MTMR12: variants seen among roughly 807,000 people sequenced by gnomAD.
MTMR12 encodes myotubularin related protein 12, also known as myotubularin-related protein 12.
In MTMR12, 33 loss-of-function variants were observed where a neutral mutation model predicts 96.7. That is an observed-to-expected ratio of 0.34 (90% confidence interval 0.26 to 0.46). MTMR12 has a LOEUF of 0.46. MTMR12 is among the 20% of genes least tolerant of loss of function. MTMR12 has a pLI of 1.00. For missense variants in MTMR12, 721 were observed against 896.1 expected (o/e 0.80, Z 2.49); for synonymous variants, 298 against 327.2 (o/e 0.91, Z 0.96).
chr5:32,279,459 T>C (rs1750197113), intron 1 of MTMR12, among the ~76,000 whole-genome samples: 1 of 151,578 alleles, frequency 6.6e-6, no homozygotes, highest in Non-Finnish European at 1.5e-5. Flanking sequence ...CAAGCTCCAT[T>C]GAACTCAGAG....
At chr5:32,282,638 C>T (rs977741120) in intron 1 of MTMR12, among the ~76,000 whole-genome samples, 1 of 151,828 alleles carries the variant, frequency 6.6e-6, no homozygotes, top group African/African-American at 2.4e-5. Context: ...CAAACCAGTC[C>T]CAAGAAGAGA....
intron 1 of MTMR12, among the ~76,000 whole-genome samples, chr5:32,306,852 G>A (rs751746666): frequency 2.1e-4 from 32 of 152,078 alleles, no homozygotes; most frequent in Non-Finnish European, 3.7e-4. Flanking sequence ...ATAAGTGCCC[G>A]TTAACTATTA....
At position 32,263,179 on chromosome 5, in the gene MTMR12, T is replaced by G; in HGVS notation, c.647A>C (p.Glu216Ala). Reference sequence around the variant, plus strand: ...GTACTTCATGTTGCCTTTGGTCCGTTCCAGTTCCCAACACCAGTCCTTAAG... The same window carrying G: ...GTACTTCATGTTGCCTTTGGTCCGTGCCAGTTCCCAACACCAGTCCTTAAG... ...DTLKDWCWEL[E>A]RTKGNMKYKA... Residue 216 changes from glutamate (E) to alanine (A), a missense_variant, in exon 7 of 16, where the codon GAA becomes GCA. Physicochemically the swap from Glu to Ala is moderately radical, Grantham distance 107. Transcript: ENST00000382142. 1 of 1,614,226 alleles carries G rather than the reference T, an allele frequency of 6.2e-7. No homozygotes were observed. Among genetic ancestry groups the G allele is most frequent in the Non-Finnish European group, 8.5e-7 (1 of 1,180,038 alleles).
At position 32,227,639 on chromosome 5, in the gene MTMR12, G is replaced by C. The variant is rs1316483201; in HGVS notation, c.*2139C>G. On this transcript the variant is annotated 3_prime_UTR_variant, in exon 16 of 16. Coordinates refer to ENST00000382142, the MANE Select transcript of MTMR12 (RefSeq NM_001040446.3). ...GTATAAATATTCACGTTATAACGTG[G>C]TAACAAAAATAGCTCCATAGCATAT... 1 of 152,634 alleles carries C rather than the reference G, an allele frequency of 6.6e-6. No homozygotes were observed. Among genetic ancestry groups the C allele is most frequent in the East Asian group, 1.9e-4 (1 of 5,202 alleles). 9.5% of individuals were successfully genotyped at this position (152,634 alleles called of 1,614,324 possible).
At chr5:32,302,268 C>T (rs1475325981) in intron 1 of MTMR12, among the ~76,000 whole-genome samples, 1 of 152,098 alleles carries the variant, frequency 6.6e-6, no homozygotes, top group Non-Finnish European at 1.5e-5. Flanking sequence ...TTTACAACTG[C>T]CTTTGAAATA....
At position 32,246,735 on chromosome 5, in the gene MTMR12, T is replaced by C. The variant is rs575481142; in HGVS notation, c.1021+1267A>G. 3.3e-5 allele frequency among the ~76,000 whole-genome samples: 5 copies of C among 152,310 alleles called. No homozygotes were observed. In the East Asian group the frequency reaches 7.7e-4, roughly 24 times the overall value. On this transcript the variant is annotated intron_variant, in intron 10 of 15. Transcript: ENST00000382142. ...CCGTAAACGTTTTCTAAAGCATCAA[T>C]AATTTCACCATTCTTCCACCCAAGC...
intron 6 of MTMR12, 48 bp downstream of exon 6, chr5:32,268,653 T>C: frequency 6.6e-7 from 1 of 1,522,150 alleles, no homozygotes; most frequent in East Asian, 2.3e-5. Flanking sequence ...CAGGTGGGAA[T>C]TGGAAGGCTT....
chr5:32,292,350 G>A (rs990137890), intron 1 of MTMR12, among the ~76,000 whole-genome samples: 1 of 152,180 alleles, frequency 6.6e-6, no homozygotes, highest in Admixed American at 6.5e-5. Context: ...TGATCCACTA[G>A]CAAAATTTTT....
intron 1 of MTMR12, among the ~76,000 whole-genome samples, chr5:32,277,049 C>A (rs1441105255): frequency 6.6e-6 from 1 of 151,960 alleles, no homozygotes; most frequent in Non-Finnish European, 1.5e-5. Context: ...CCACGCCCAG[C>A]TAATTGTTTG....
At chr5:32,257,683 C>T (rs62361352) in intron 7 of MTMR12, among the ~76,000 whole-genome samples, 47,732 of 151,738 alleles carry the variant, frequency 0.31, 7,832 homozygotes, top group Middle Eastern at 0.44. Flanking sequence ...GCAGAGGAAT[C>T]GCTGAACCTG....
intron 1 of MTMR12, among the ~76,000 whole-genome samples, chr5:32,311,470 G>C (rs1005355933): frequency 6.6e-6 from 1 of 152,096 alleles, no homozygotes; most frequent in African/African-American, 2.4e-5. Flanking sequence ...TGGTCTTTAC[G>C]GAAGCAGTCC....
chr5:32,248,199 A>T (rs1030208641), intron 9 of MTMR12, 73 bp from the exon 10 acceptor site: 69 of 1,527,152 alleles, frequency 4.5e-5, no homozygotes, highest in Non-Finnish European at 6.1e-5. Context: ...TACGTGCCAC[A>T]ATCTGTGTTA....
At chr5:32,281,146 G>A (rs1435939722) in intron 1 of MTMR12, among the ~76,000 whole-genome samples, 1 of 151,178 alleles carries the variant, frequency 6.6e-6, no homozygotes, top group Non-Finnish European at 1.5e-5. Flanking sequence ...TACTCGGGAG[G>A]CTGAGGCACG....
chr5:32,250,140 C>T (rs932309964), intron 8 of MTMR12, among the ~76,000 whole-genome samples: 7 of 152,130 alleles, frequency 4.6e-5, no homozygotes, highest in African/African-American at 9.7e-5. Flanking sequence ...CTTAGAAAAT[C>T]ACAAAGGGGA....
At chr5:32,246,128 G>A (rs568920700) in intron 10 of MTMR12, among the ~76,000 whole-genome samples, 2 of 150,876 alleles carry the variant, frequency 1.3e-5, no homozygotes, top group South Asian at 4.2e-4. Flanking sequence ...CTCATCTGAA[G>A]CTGATCTGGG....
rs191929931 is a variant in MTMR12 at position 32,268,592 on chromosome 5, G to A, written c.583+109C>T. The stretch of plus-strand genomic sequence containing the variant: ...AGCAAGGGGTGACCAATTGGTAGAG[G>A]AGACAGGAAAAAACAAAACAACCCA... On this transcript the variant is annotated intron_variant, in intron 6 of 15. Coordinates refer to ENST00000382142, the MANE Select transcript of MTMR12 (RefSeq NM_001040446.3). 3.3e-5 allele frequency: 26 copies of A among 778,198 alleles called. No individual in the cohort carries two copies. In the East Asian group the frequency reaches 4.7e-4, roughly 14 times the overall value. 48.2% of individuals were successfully genotyped at this position (778,198 alleles called of 1,614,324 possible).
chr5:32,307,396 G>A (rs940426157), intron 1 of MTMR12, among the ~76,000 whole-genome samples: 1 of 152,088 alleles, frequency 6.6e-6, no homozygotes, highest in African/African-American at 2.4e-5. Context: ...TCTGGGGCTG[G>A]GCTGGGGTGG....
At chr5:32,293,445 A>C (rs1207196504) in intron 1 of MTMR12, among the ~76,000 whole-genome samples, 2 of 152,144 alleles carry the variant, frequency 1.3e-5, no homozygotes, top group African/African-American at 4.8e-5. Flanking sequence ...ATCAGACGCC[A>C]AGTTCTTCAG....
Position 32,271,903 on chromosome 5 carries a change from T to C in MTMR12, c.288A>G (p.Glu96=). The change falls in exon 4 of 16, where the codon GAA becomes GAG. Residue 96 remains glutamate (E), a splice_region_variant and synonymous_variant. Coordinates refer to ENST00000382142, the MANE Select transcript of MTMR12 (RefSeq NM_001040446.3). ...CTATAACCTTATTCTTAAATTGAGTTTCCTAGAAGATTCAAAAGGAAACAA... is the reference window on the plus strand; with the variant it reads ...CTATAACCTTATTCTTAAATTGAGTCTCCTAGAAGATTCAAAAGGAAACAA... The part of the protein sequence containing the change: ...GDDESALDND[E]TQFKNKVIGE... 1 of 1,539,388 alleles carries C rather than the reference T, an allele frequency of 6.5e-7. No homozygotes were observed. Among genetic ancestry groups the C allele is most frequent in the Non-Finnish European group, 8.9e-7 (1 of 1,126,118 alleles).
Sources: gnomAD v4.1 joint callset for allele counts (sites outside exome capture counted in the v4.1 genomes callset) on GRCh38, gnomAD v4.1.1 for gene constraint, MANE v1.5 for transcripts, NCBI Gene and HGNC (gene_info 2026-07-23, HGNC 2026-07-21) for gene names.